The following HNF4G variants were observed in gnomAD, a reference collection of about 807,000 sequenced individuals.
HNF4G encodes hepatocyte nuclear factor 4 gamma.
In HNF4G, 21 loss-of-function variants were observed where a neutral mutation model predicts 50.9. The observed-to-expected ratio is 0.41, with a 90% CI of 0.29 to 0.59. The LOEUF is 0.59. Ranked by LOEUF, HNF4G falls within the 20% of genes least tolerant of loss-of-function variation. The pLI is 0.26. For missense variants in HNF4G, 527 were observed against 559.4 expected (o/e 0.94, Z 0.58); for synonymous variants, 198 against 185.6 (o/e 1.07, Z -0.54).
At chr8:75,464,469 T>C (rs1471445971) in intron 1 of HNF4G, among the ~76,000 whole-genome samples, 1 of 152,172 alleles carries the variant, frequency 6.6e-6, no homozygotes, top group Middle Eastern at 3.2e-3. Context: ...AAGTTTTATA[T>C]TGTCTCAGAT....
intron 1 of HNF4G, among the ~76,000 whole-genome samples, chr8:75,462,115 C>T (rs1216770460): frequency 6.6e-6 from 1 of 151,816 alleles, no homozygotes; most frequent in Non-Finnish European, 1.5e-5. Flanking sequence ...TGGGGTTTCT[C>T]CATGTTGGTC....
chr8:75,532,344 A>G (rs531994035), intron 2 of HNF4G, among the ~76,000 whole-genome samples: 1 of 152,126 alleles, frequency 6.6e-6, no homozygotes, highest in Non-Finnish European at 1.5e-5. Context: ...ACTAGAACAT[A>G]AAAAATAATA....
At chr8:75,483,911 C>T (rs1354692624) in intron 1 of HNF4G, among the ~76,000 whole-genome samples, 1 of 152,030 alleles carries the variant, frequency 6.6e-6, no homozygotes, top group African/African-American at 2.4e-5. Flanking sequence ...TATAACTGAC[C>T]TTTTAGTACA....
At chr8:75,519,466 T>A (rs1169288913) in intron 2 of HNF4G, among the ~76,000 whole-genome samples, 1 of 152,204 alleles carries the variant, frequency 6.6e-6, no homozygotes, top group East Asian at 1.9e-4. Flanking sequence ...GTTCTCATAC[T>A]GCTAATAAAG....
intron 2 of HNF4G, among the ~76,000 whole-genome samples, chr8:75,520,981 A>C (rs1456653161): frequency 6.6e-6 from 1 of 152,034 alleles, no homozygotes; most frequent in Non-Finnish European, 1.5e-5. Flanking sequence ...TTGAAGTGAA[A>C]GTACTAATAT....
At chr8:75,541,768 T>C (rs1806629019) in intron 1 of HNF4G, among the ~76,000 whole-genome samples, 1 of 152,046 alleles carries the variant, frequency 6.6e-6, no homozygotes, top group African/African-American at 2.4e-5. Flanking sequence ...TTAAGAAATA[T>C]TCATTTTATT....
intron 1 of HNF4G, among the ~76,000 whole-genome samples, chr8:75,444,243 C>G (rs1811365160): frequency 6.6e-6 from 1 of 151,918 alleles, no homozygotes; most frequent in Admixed American, 6.6e-5. Flanking sequence ...GATTTTGTCA[C>G]CACCAAGCCT....
At chr8:75,533,798 A>G (rs938343) in intron 2 of HNF4G, among the ~76,000 whole-genome samples, 100,072 of 151,678 alleles carry the variant, frequency 0.66, 34,899 homozygotes, top group African/African-American at 0.9. Flanking sequence ...TTAAAATGTT[A>G]TTCTCCATAT....
intron 1 of HNF4G, among the ~76,000 whole-genome samples, chr8:75,473,401 C>T (rs1812167416): frequency 6.6e-6 from 1 of 152,050 alleles, no homozygotes; most frequent in South Asian, 2.1e-4. Flanking sequence ...CACTTGGTCA[C>T]AAGTTAAAAT....
At chr8:75,548,591 A>C (rs1424838246) in intron 3 of HNF4G, among the ~76,000 whole-genome samples, 1 of 152,194 alleles carries the variant, frequency 6.6e-6, no homozygotes, top group Non-Finnish European at 1.5e-5. Flanking sequence ...ATTCTCCTAC[A>C]TTTTAAATAT....
intron 2 of HNF4G, among the ~76,000 whole-genome samples, chr8:75,506,748 G>T (rs1198485841): frequency 4.6e-5 from 7 of 152,122 alleles, no homozygotes; most frequent in African/African-American, 1.7e-4. Flanking sequence ...AGTAGCAAAA[G>T]TTAACTGGTA....
At chr8:75,419,572 G>A (rs777612238) in intron 1 of HNF4G, among the ~76,000 whole-genome samples, 7 of 152,142 alleles carry the variant, frequency 4.6e-5, no homozygotes, top group Non-Finnish European at 8.8e-5. Flanking sequence ...AGATACAAAG[G>A]GCAGTTTCTG....
intron 1 of HNF4G, among the ~76,000 whole-genome samples, chr8:75,418,768 C>T (rs1810705721): frequency 7.6e-6 from 1 of 130,816 alleles, no homozygotes; most frequent in African/African-American, 3.0e-5. Context: ...TCTCTTGTTG[C>T]CCAGGCTGGA....
intron 6 of HNF4G, among the ~76,000 whole-genome samples, chr8:75,556,470 T>A (rs970020498): frequency 1.3e-5 from 2 of 152,142 alleles, no homozygotes; most frequent in Admixed American, 6.5e-5. Flanking sequence ...CGTCCTATGA[T>A]CTTATTGCCC....
chr8:75,540,881 G>GTT (rs1554579131), intron 1 of HNF4G, among the ~76,000 whole-genome samples: 1 of 151,358 alleles, frequency 6.6e-6, no homozygotes, highest in Admixed American at 6.6e-5. Flanking sequence ...GTGTGTGTGT[G>GTT]TTTAATGCAA....
At chr8:75,440,683 A>G (rs1473534470) in intron 1 of HNF4G, among the ~76,000 whole-genome samples, 1 of 152,238 alleles carries the variant, frequency 6.6e-6, no homozygotes, top group Non-Finnish European at 1.5e-5. Context: ...GCTGTCAATA[A>G]ATTAAAGATT....
At chr8:75,426,669 G>A (rs887519715) in intron 1 of HNF4G, among the ~76,000 whole-genome samples, 1 of 151,050 alleles carries the variant, frequency 6.6e-6, no homozygotes, top group African/African-American at 2.4e-5. Context: ...ATTTATTGGA[G>A]GATAAAAGGT....
At chr8:75,550,340 T>C (rs1462990348) in intron 3 of HNF4G, among the ~76,000 whole-genome samples, 2 of 151,842 alleles carry the variant, frequency 1.3e-5, no homozygotes, top group East Asian at 3.9e-4. Context: ...TGAGATGGAG[T>C]CTCACTCTGT....
In HNF4G at chr8:75,543,892, C is replaced by A. The variant is rs771223344; in HGVS notation, c.200C>A (p.Thr67Lys). The change falls in exon 2 of 10, where the codon ACA becomes AAA. Residue 67 changes from threonine (T) to lysine (K), a missense_variant. This residue lies in a region of HNF4G where 84 missense variants were observed against 87.1 expected (regional missense o/e 0.96). Coordinates refer to ENST00000396423, the MANE Select transcript of HNF4G (RefSeq NM_004133.5). Reference protein sequence around the residue: ...CLCAICGDRATGKHYGASSCD... With the variant: ...CLCAICGDRAKGKHYGASSCD... Reference sequence around the variant, plus strand: ...TGTGCTATCTGTGGGGACAGAGCAACAGGAAAACACTATGGGGCATCCAGC... The same window carrying A: ...TGTGCTATCTGTGGGGACAGAGCAAAAGGAAAACACTATGGGGCATCCAGC... 2 of 1,613,670 alleles carry A rather than the reference C, an allele frequency of 1.2e-6. No individual in the cohort carries two copies. The highest frequency in any genetic ancestry group is 2.2e-5 in the East Asian group (1 of 44,886).
Sources: gnomAD v4.1 joint callset for allele counts (sites outside exome capture counted in the v4.1 genomes callset) on GRCh38, gnomAD v4.1.1 for gene constraint, gnomAD v4.1.1 regional missense constraint, MANE v1.5 for transcripts, NCBI Gene and HGNC (gene_info 2026-07-23, HGNC 2026-07-21) for gene names.